ARIH1: variants seen among roughly 807,000 people sequenced by gnomAD.
The protein encoded by ARIH1 is ariadne RBR E3 ubiquitin protein ligase 1.
In ARIH1, 8 loss-of-function variants were observed where a neutral mutation model predicts 85.0. That is an observed-to-expected ratio of 0.09 (90% confidence interval 0.06 to 0.17). ARIH1 has a LOEUF of 0.17. Among genes scored for constraint, ARIH1 ranks in the 10% least tolerant of loss-of-function variants. The pLI, the probability that ARIH1 is intolerant of heterozygous loss-of-function variation, is 1.00. For missense variants in ARIH1, 311 were observed against 718.1 expected (o/e 0.43, Z 6.48); for synonymous variants, 238 against 253.6 (o/e 0.94, Z 0.59).
Position 72,582,778 on chromosome 15 carries a change from T to C in ARIH1, c.1590-430T>C, listed in dbSNP as rs1192708350. ...TGGGGAGTTTGGAAGACTTGGAGAT[T>C]TAGTCCTAACCAATATCTTCCCTTC... On this transcript the variant is annotated intron_variant, in intron 13 of 13. Coordinates refer to ENST00000379887, the MANE Select transcript of ARIH1 (RefSeq NM_005744.5). The surrounding 1 kb of genome is among the most constrained non-coding windows in gnomAD (Gnocchi z 4.6). Among the ~76,000 whole-genome samples, 1 of 152,240 alleles carries C rather than the reference T, an allele frequency of 6.6e-6. No homozygotes were observed. Among genetic ancestry groups the C allele is most frequent in the East Asian group, 1.9e-4 (1 of 5,186 alleles).
chr15:72,534,076 G>A (rs1595863636), intron 2 of ARIH1, among the ~76,000 whole-genome samples: 1 of 152,160 alleles, frequency 6.6e-6, no homozygotes, highest in African/African-American at 2.4e-5. Flanking sequence ...ACAAGCCACA[G>A]CATAGATAAA....
At chr15:72,493,075 C>G (rs1307895349) in intron 1 of ARIH1, among the ~76,000 whole-genome samples, 1 of 152,144 alleles carries the variant, frequency 6.6e-6, no homozygotes, top group Non-Finnish European at 1.5e-5. Context: ...TCTACTCTGG[C>G]TAAACCTTCA....
At chr15:72,529,815 ATGTC>A (rs2064047802) in intron 2 of ARIH1, among the ~76,000 whole-genome samples, 2 of 152,200 alleles carry the variant, frequency 1.3e-5, no homozygotes, top group African/African-American at 4.8e-5. Flanking sequence ...ATGAGATTGA[ATGTC>A]TGGAGTATGC....
chr15:72,580,063 A>AC, intron 11 of ARIH1, among the ~76,000 whole-genome samples: 1 of 152,288 alleles, frequency 6.6e-6, no homozygotes, highest in East Asian at 1.9e-4. Flanking sequence ...CTCTTTGGTC[A>AC]CCAACTCCCC....
chr15:72,482,533 A>G (rs999250140), intron 1 of ARIH1, among the ~76,000 whole-genome samples: 1 of 152,190 alleles, frequency 6.6e-6, no homozygotes, highest in Non-Finnish European at 1.5e-5. Context: ...GAAATCAGCT[A>G]AAGTAGAATG....
At chr15:72,490,058 A>G (rs1296190068) in intron 1 of ARIH1, among the ~76,000 whole-genome samples, 1 of 152,072 alleles carries the variant, frequency 6.6e-6, no homozygotes, top group Non-Finnish European at 1.5e-5. Flanking sequence ...TAATACGTAT[A>G]GTCACCACAG....
intron 1 of ARIH1, among the ~76,000 whole-genome samples, chr15:72,495,301 C>G (rs150709915): frequency 1.2e-3 from 180 of 152,306 alleles, no homozygotes; most frequent in Middle Eastern, 3.4e-3. Context: ...GTTGACACAA[C>G]TGTCACAATT....
intron 1 of ARIH1, among the ~76,000 whole-genome samples, chr15:72,514,041 T>C (rs1024599364): frequency 1.3e-5 from 2 of 151,010 alleles, no homozygotes; most frequent in Non-Finnish European, 3.0e-5. Flanking sequence ...GGTCTCACCA[T>C]GTTGCTCAGA....
chr15:72,475,239 C>A, intron 1 of ARIH1: 17 of 1,014,862 alleles, frequency 1.7e-5, no homozygotes, highest in Non-Finnish European at 2.2e-5. Flanking sequence ...CTTCCCAAGT[C>A]CTGCTATGGC....
intron 1 of ARIH1, among the ~76,000 whole-genome samples, chr15:72,483,602 CA>C (rs1193368308): frequency 6.6e-6 from 1 of 152,112 alleles, no homozygotes; most frequent in Non-Finnish European, 1.5e-5. Context: ...CCTTTCTATC[CA>C]ATCTTTTTGT....
At position 72,594,149 on chromosome 15, in the gene ARIH1, ATTTTC is replaced by A; in HGVS notation, c.*10867_*10871del. The stretch of plus-strand genomic sequence containing the variant: ...GCATTTGATTTTTAAAATATTTTTG[ATTTTC>A]TTTTCTTTTTCTTTTTTTCTTTTTT... On this transcript the variant is annotated 3_prime_UTR_variant, in exon 14 of 14. Coordinates refer to ENST00000379887, the MANE Select transcript of ARIH1 (RefSeq NM_005744.5). 1 of 146,470 alleles carries A rather than the reference ATTTTC, an allele frequency of 6.8e-6. No homozygotes were observed. The highest frequency in any genetic ancestry group is 2.2e-4 in the South Asian group (1 of 4,582). The allele number at this position is 146,470 out of a possible 1,614,324, so 9.1% of individuals were successfully genotyped here. A position where few individuals can be genotyped will look rare whatever the true frequency, so the allele number is the denominator to read the frequency against.
rs1212129564 is a variant in ARIH1 at position 72,563,725 on chromosome 15, T to TA, written c.911+226dup. Among the ~76,000 whole-genome samples the TA allele has an allele frequency of 3.9e-5, 6 of 152,224 alleles. No homozygotes were observed. In the East Asian group the frequency reaches 1.2e-3, roughly 29 times the overall value. ...GTTCTAACTTTTTTGAATTTTTTTT[T>TA]ATGGAGAAAATATACAACTCTAATC... On this transcript the variant is annotated intron_variant, in intron 7 of 13. Transcript: ENST00000379887.
intron 3 of ARIH1, among the ~76,000 whole-genome samples, chr15:72,550,611 T>C (rs2064149286): frequency 6.6e-6 from 1 of 152,148 alleles, no homozygotes; most frequent in South Asian, 2.1e-4. Context: ...CCTTTAAGCT[T>C]GATATTTATT....
rs144724943 is a variant in ARIH1, at chr15:72,537,093, T to TTTGTTGTTG, written c.444-7706_444-7698dup. Among the ~76,000 whole-genome samples, 32 of 151,254 alleles carry TTTGTTGTTG rather than the reference T, an allele frequency of 2.1e-4. 1 individual carries two copies. In the South Asian group the frequency reaches 6.5e-3, roughly 31 times the overall value. ...TTACAGATTTGTGTGAGTTCTCATTTTTGTTGTTGTTGTTGTTGTTGTTGT... is the reference window on the plus strand; with the variant it reads ...TTACAGATTTGTGTGAGTTCTCATTTTTGTTGTTGTTGTTGTTGTTGTTGTTGTTGTTGT... On this transcript the variant is annotated intron_variant, in intron 2 of 13. Coordinates refer to ENST00000379887, the MANE Select transcript of ARIH1 (RefSeq NM_005744.5).
chr15:72,493,375 G>T (rs1221215933), intron 1 of ARIH1, among the ~76,000 whole-genome samples: 2 of 152,046 alleles, frequency 1.3e-5, no homozygotes, highest in Admixed American at 6.6e-5. Flanking sequence ...TTGGATTGAG[G>T]CCTGTGCATG....
In ARIH1 at chr15:72,582,020, G is replaced by A. The variant is rs2064297159; in HGVS notation, c.1477-55G>A. ...CTGTAGTCAACAAAACAGTGAAAAT[G>A]GTTTATCTTTTAGCTTTATTTTGAA... is the stretch of plus-strand genomic sequence containing the variant. On this transcript the variant is annotated intron_variant, in intron 12 of 13. Coordinates refer to ENST00000379887, the MANE Select transcript of ARIH1 (RefSeq NM_005744.5). The surrounding 1 kb of genome is among the most constrained non-coding windows in gnomAD (Gnocchi z 4.6). 11 of 1,238,428 alleles carry A rather than the reference G, an allele frequency of 8.9e-6. No individual in the cohort carries two copies. The highest frequency in any genetic ancestry group is 2.3e-6 in the Non-Finnish European group (2 of 851,824). 76.7% of individuals were successfully genotyped at this position (1,238,428 alleles called of 1,614,324 possible).
chr15:72,560,817 T>TAAAG (rs1201617033), intron 5 of ARIH1, among the ~76,000 whole-genome samples: 2 of 54,370 alleles, frequency 3.7e-5, no homozygotes, highest in African/African-American at 7.4e-5. Context: ...CTTCATGTCT[T>TAAAG]TCTCAGTGGG....
chr15:72,537,629 T>C (rs1395101685), intron 2 of ARIH1, among the ~76,000 whole-genome samples: 2 of 152,206 alleles, frequency 1.3e-5, no homozygotes, highest in Non-Finnish European at 2.9e-5. Flanking sequence ...ATTCCTTTGC[T>C]CCTTTGACAT....
At chr15:72,552,328 A>C (rs975150551) in intron 3 of ARIH1, among the ~76,000 whole-genome samples, 8 of 152,216 alleles carry the variant, frequency 5.3e-5, no homozygotes, top group Non-Finnish European at 1.0e-4. Flanking sequence ...TTGCCCTGTC[A>C]TCAGGCTGGA....
Sources: gnomAD v4.1 joint callset for allele counts (sites outside exome capture counted in the v4.1 genomes callset) on GRCh38, gnomAD v4.1.1 for gene constraint, Gnocchi (gnomAD v3.1) non-coding constraint, MANE v1.5 for transcripts, NCBI Gene and HGNC (gene_info 2026-07-23, HGNC 2026-07-21) for gene names.